RBPMS: variants seen among roughly 807,000 people sequenced by gnomAD.
The protein encoded by RBPMS is RNA binding protein, mRNA processing factor, also known as RNA-binding protein with multiple splicing.
Under a neutral mutation model 26.8 loss-of-function variants are expected in RBPMS, and 7 were observed. That is an observed-to-expected ratio of 0.26 (90% CI 0.15 to 0.49). The LOEUF is 0.49. Among genes scored for constraint, RBPMS ranks in the 20% least tolerant of loss-of-function variants. The probability of loss-of-function intolerance (pLI) is 0.98; values close to 1 mark genes in which losing one functional copy is unlikely to be tolerated. For missense variants in RBPMS, 186 were observed against 250.0 expected, an observed-to-expected ratio of 0.74 and a Z score of 1.73; for synonymous variants, 96 against 93.3, an observed-to-expected ratio of 1.03 and a Z score of -0.17.
At chr8:30,385,352 C>T in intron 1 of RBPMS, 194 bp downstream of exon 1, 1 of 420,404 alleles carries the variant, frequency 2.4e-6, no homozygotes, top group Non-Finnish European at 4.2e-6. Context: ...GTCTGCGGGC[C>T]CCAAATTGCG....
At chr8:30,418,616 T>A (rs948542475) in intron 1 of RBPMS, among the ~76,000 whole-genome samples, 1 of 152,186 alleles carries the variant, frequency 6.6e-6, no homozygotes, top group African/African-American at 2.4e-5. Flanking sequence ...TCTCACTCTG[T>A]CACCCAGGCT....
chr8:30,417,843 T>C (rs1266745137), intron 1 of RBPMS, among the ~76,000 whole-genome samples: 2 of 152,238 alleles, frequency 1.3e-5, no homozygotes, highest in African/African-American at 4.8e-5. Flanking sequence ...CATTTCCTGC[T>C]GTAACATTTT....
intron 1 of RBPMS, among the ~76,000 whole-genome samples, chr8:30,468,000 T>C (rs1355697688): frequency 1.3e-5 from 2 of 152,154 alleles, no homozygotes; most frequent in African/African-American, 2.4e-5. Context: ...TTTTTTCCCT[T>C]GAGCATGTAC....
chr8:30,416,873 A>G (rs1402191264), intron 1 of RBPMS, among the ~76,000 whole-genome samples: 2 of 151,818 alleles, frequency 1.3e-5, no homozygotes, highest in African/African-American at 2.4e-5. Context: ...GGGTTCAAGT[A>G]AGTCTCCTGT....
chr8:30,537,824 C>G (rs1824958978), intron 5 of RBPMS: 1 of 326,266 alleles, frequency 3.1e-6, no homozygotes, highest in Non-Finnish European at 6.1e-6. Context: ...GCTATCATCA[C>G]TGTAGTTATC....
chr8:30,428,270 C>T (rs1199513856), intron 1 of RBPMS, among the ~76,000 whole-genome samples: 1 of 151,772 alleles, frequency 6.6e-6, no homozygotes, highest in African/African-American at 2.4e-5. Context: ...ATCCGCCTGC[C>T]TCGTCCTCCC....
intron 1 of RBPMS, among the ~76,000 whole-genome samples, chr8:30,452,479 A>G (rs1165464561): frequency 2.6e-5 from 4 of 152,220 alleles, no homozygotes; most frequent in Admixed American, 1.3e-4. Flanking sequence ...TTATCCAGAC[A>G]CCAGAAGAAC....
At chr8:30,421,310 A>G (rs1399017422) in intron 1 of RBPMS, among the ~76,000 whole-genome samples, 4 of 152,204 alleles carry the variant, frequency 2.6e-5, no homozygotes, top group African/African-American at 9.7e-5. Flanking sequence ...CTAAGAAATT[A>G]TCACCAGACA....
intron 1 of RBPMS, among the ~76,000 whole-genome samples, chr8:30,463,608 G>C (rs1026083248): frequency 2.6e-5 from 4 of 152,330 alleles, no homozygotes; most frequent in Middle Eastern, 3.4e-3. Context: ...CTGCTCACTA[G>C]AAGCGAATCA....
chr8:30,457,583 C>CTT lies in RBPMS; in HGVS notation c.67-17170_67-17169dup, dbSNP rs77253053. ...TAAGTTTTAGAATTTGATTTACATT[C>CTT]TTTTTTTTTTTTTTTTTTTTTTTTT... On this transcript the variant is annotated intron_variant, in intron 1 of 8. Coordinates refer to ENST00000397323, the MANE Select transcript of RBPMS (RefSeq NM_001008710.3). 3.7e-4 allele frequency among the ~76,000 whole-genome samples: 49 copies of CTT among 132,846 alleles called. 1 individual carries two copies. The highest frequency in any genetic ancestry group is 1.2e-3 in the East Asian group (5 of 4,314). The allele number at this position is 132,846 out of a possible 152,430, so 87.2% of individuals were successfully genotyped here.
At chr8:30,441,705 A>G (rs1813090050) in intron 1 of RBPMS, among the ~76,000 whole-genome samples, 1 of 152,216 alleles carries the variant, frequency 6.6e-6, no homozygotes, top group African/African-American at 2.4e-5. Flanking sequence ...CTGAAAAATA[A>G]ACCCTCCAAA....
intron 6 of RBPMS, chr8:30,547,582 TCTGA>T (rs1248302753): frequency 1.2e-5 from 13 of 1,082,394 alleles, no homozygotes; most frequent in African/African-American, 9.7e-5. Context: ...GGTGTTACTC[TCTGA>T]CTGAGGTTTT....
intron 6 of RBPMS, among the ~76,000 whole-genome samples, chr8:30,549,216 AAAGT>A (rs983406105): frequency 3.3e-5 from 5 of 152,174 alleles, no homozygotes; most frequent in African/African-American, 1.2e-4. Context: ...CTGCCTCCCA[AAAGT>A]AAGGCAGGAG....
intron 1 of RBPMS, among the ~76,000 whole-genome samples, chr8:30,463,406 C>T (rs1816161744): frequency 6.6e-6 from 1 of 152,200 alleles, no homozygotes; most frequent in Admixed American, 6.5e-5. Flanking sequence ...TAAGATGGCT[C>T]ACTCACATGG....
intron 7 of RBPMS, among the ~76,000 whole-genome samples, chr8:30,561,491 A>C (rs1827479837): frequency 6.6e-6 from 1 of 152,194 alleles, no homozygotes; most frequent in East Asian, 1.9e-4. Flanking sequence ...GGATGAGGTA[A>C]CTGGAAATTC....
rs573002635 is a variant in RBPMS at position 30,544,606 on chromosome 8, C to T, written c.510C>T (p.Pro170=). ...PALPPPAFTY[P]ASLHAQMRWL... ...TACCTCCTCCTGCTTTCACCTATCC[C>T]GCTTCACTGCATGCCCAGGTAATTG... The change falls in exon 6 of 9, where the codon CCC becomes CCT. Residue 170 remains proline (P), a synonymous_variant. Transcript: ENST00000397323. The T allele has an allele frequency of 1.3e-5, 21 of 1,614,124 alleles. No individual in the cohort carries two copies. In the East Asian group the frequency reaches 1.8e-4, roughly 14 times the overall value.
intron 1 of RBPMS, among the ~76,000 whole-genome samples, chr8:30,462,510 T>C (rs1187154530): frequency 6.6e-6 from 1 of 151,990 alleles, no homozygotes; most frequent in Non-Finnish European, 1.5e-5. Context: ...TCCAACCTCC[T>C]CCTCCTGGGT....
At chr8:30,549,370 C>T (rs569772617) in intron 6 of RBPMS, 52 of 752,836 alleles carry the variant, frequency 6.9e-5, no homozygotes, top group Non-Finnish European at 9.1e-5. Flanking sequence ...TGTGGCTATC[C>T]GGAAAACGAC....
chr8:30,541,147 G>A (rs1472705666), intron 5 of RBPMS, among the ~76,000 whole-genome samples: 1 of 152,182 alleles, frequency 6.6e-6, no homozygotes, highest in Non-Finnish European at 1.5e-5. Flanking sequence ...TCTCTCAGTT[G>A]TTTCTAAGAG....
Sources: gnomAD v4.1 joint callset for allele counts (sites outside exome capture counted in the v4.1 genomes callset) on GRCh38, gnomAD v4.1.1 for gene constraint, MANE v1.5 for transcripts, NCBI Gene and HGNC (gene_info 2026-07-23, HGNC 2026-07-21) for gene names.